DROSHA: variants seen among roughly 807,000 people sequenced by gnomAD.
The protein encoded by DROSHA is drosha ribonuclease III.
A neutral mutation model predicts 181.9 loss-of-function variants in DROSHA; 56 were observed. The observed-to-expected ratio is 0.31, with a 90% CI of 0.25 to 0.38. DROSHA has a LOEUF of 0.38. Ranked by LOEUF, DROSHA falls within the 10% of genes least tolerant of loss-of-function variation. The probability of loss-of-function intolerance (pLI) is 1.00; values close to 1 mark genes in which losing one functional copy is unlikely to be tolerated. For synonymous variants in DROSHA, 524 were observed against 591.2 expected, an observed-to-expected ratio of 0.89 and a Z score of 1.65; for missense variants, 1,218 against 1,743.5, an observed-to-expected ratio of 0.70 and a Z score of 5.37.
chr5:31,514,419 T>C lies in DROSHA; in HGVS notation c.1290+569A>G, dbSNP rs933658004. ...ACTTTGGGAGGCCAAGGCAGGAGGA[T>C]TGCTTGAGCTCAGGAGTTCGAGACC... is the stretch of plus-strand genomic sequence containing the variant. On this transcript the variant is annotated intron_variant, in intron 8 of 35. Coordinates refer to ENST00000344624, the MANE Select transcript of DROSHA (RefSeq NM_001382508.1). The surrounding 1 kb of genome is among the most constrained non-coding windows in gnomAD (Gnocchi z 4.4). 1.3e-5 allele frequency among the ~76,000 whole-genome samples: 2 copies of C among 152,000 alleles called. No homozygotes were observed. The highest frequency in any genetic ancestry group is 2.9e-5 in the Non-Finnish European group (2 of 67,996).
intron 13 of DROSHA, among the ~76,000 whole-genome samples, chr5:31,488,251 T>C (rs368303674): frequency 2.6e-5 from 4 of 151,882 alleles, no homozygotes; most frequent in South Asian, 4.2e-4. Context: ...ACCCCGTCTC[T>C]ACTAAAAATA....
At chr5:31,506,593 G>A (rs535608292) in intron 10 of DROSHA, among the ~76,000 whole-genome samples, 46 of 151,380 alleles carry the variant, frequency 3.0e-4, no homozygotes, top group East Asian at 1.6e-3. Context: ...CAGGAGAATC[G>A]CTTGAACCTG....
chr5:31,488,989 T>G (rs1354213955), intron 13 of DROSHA: 1 of 152,162 alleles, frequency 6.6e-6, no homozygotes, highest in Non-Finnish European at 1.5e-5. Context: ...TACCTCAAAT[T>G]CAATATGCAG....
Position 31,511,076 on chromosome 5 carries a change from G to C in DROSHA, c.1391C>G (p.Pro464Arg). The change falls in exon 9 of 36, where the codon CCT (proline) becomes CGT (arginine). Residue 464 changes from proline (P) to arginine (R), a missense_variant. By Grantham distance (103) the Pro-to-Arg change is moderately radical. Transcript: ENST00000344624. ...SRQEKAKAAR[P>R]PWEPPKTKLD... Reference sequence around the variant, plus strand: ...CTTCGTCTTTGGAGGTTCCCACGGAGGCCGAGCAGCTTTGGCCTTTTCTTG... The same window carrying C: ...CTTCGTCTTTGGAGGTTCCCACGGACGCCGAGCAGCTTTGGCCTTTTCTTG... 1 of 1,613,910 alleles carries C rather than the reference G, an allele frequency of 6.2e-7. No individual in the cohort carries two copies. The highest frequency in any genetic ancestry group is 8.5e-7 in the Non-Finnish European group (1 of 1,179,876).
intron 23 of DROSHA, among the ~76,000 whole-genome samples, chr5:31,445,649 C>A (rs972528735): frequency 7.1e-6 from 1 of 141,022 alleles, no homozygotes. Context: ...TGGCTTATCA[C>A]CCCAAATCAA....
At chr5:31,451,220 T>A (rs1746989516) in intron 21 of DROSHA, among the ~76,000 whole-genome samples, 2 of 151,570 alleles carry the variant, frequency 1.3e-5, no homozygotes, top group Non-Finnish European at 2.9e-5. Context: ...AAAAAAAAAA[T>A]CTACATCTTT....
intron 3 of DROSHA, among the ~76,000 whole-genome samples, 168 bp downstream of exon 3, chr5:31,530,630 C>CAAAAAA (rs34124311): frequency 1.8e-5 from 2 of 112,692 alleles, no homozygotes; most frequent in South Asian, 3.1e-4. Context: ...AACTCTAGCT[C>CAAAAAA]AAAAAAAAAA....
At chr5:31,504,453 AT>A in intron 11 of DROSHA, 101 bp downstream of exon 11, 1 of 1,306,124 alleles carries the variant, frequency 7.7e-7, no homozygotes, top group Non-Finnish European at 1.1e-6. Flanking sequence ...TATGAAGAGA[AT>A]TTTGATGGTA....
Position 31,405,718 on chromosome 5 carries a change from T to G in DROSHA, c.3953A>C (p.Gln1318Pro). 6.5e-7 allele frequency: 1 copy of G among 1,546,448 alleles called. No homozygotes were observed. Among genetic ancestry groups the G allele is most frequent in the Non-Finnish European group, 8.7e-7 (1 of 1,148,204 alleles). Residue 1318 changes from glutamine (Q) to proline (P), a missense_variant, in exon 35 of 36, where the codon CAG becomes CCG. By Grantham distance (76) the Gln-to-Pro change is moderately conservative. Transcript: ENST00000344624. ...RIGCGKGPSI[Q>P]QAEMGAAMDA... ...CATTGCTGCTCCCATTTCCGCTTGC[T>G]GAATACTATTAAATAAAATAAAGTA...
At chr5:31,439,621 T>C (rs1303758438) in intron 23 of DROSHA, among the ~76,000 whole-genome samples, 4 of 152,196 alleles carry the variant, frequency 2.6e-5, no homozygotes, top group African/African-American at 7.2e-5. Context: ...GTGTAACTTA[T>C]AACTTAAACT....
chr5:31,407,296 G>A (rs1372997860), intron 33 of DROSHA, among the ~76,000 whole-genome samples: 5 of 152,160 alleles, frequency 3.3e-5, no homozygotes, highest in Non-Finnish European at 5.9e-5. Flanking sequence ...AAGAGCTCCT[G>A]TCTATTGGTT....
intron 29 of DROSHA, chr5:31,421,917 C>T (rs1361264490): frequency 1.3e-5 from 1 of 75,192 alleles, no homozygotes; most frequent in Non-Finnish European, 2.4e-5. Flanking sequence ...AAAAATTAGC[C>T]GTGTGTGTGT....
chr5:31,414,651 C>T (rs567986793), intron 30 of DROSHA, among the ~76,000 whole-genome samples: 1 of 152,176 alleles, frequency 6.6e-6, no homozygotes, highest in Non-Finnish European at 1.5e-5. Context: ...ATGATAAACA[C>T]AACAGAAATG....
At chr5:31,451,431 T>C in intron 21 of DROSHA, 102 bp downstream of exon 21, 2 of 965,618 alleles carry the variant, frequency 2.1e-6, no homozygotes, top group Non-Finnish European at 3.1e-6. Context: ...TAACAATCCT[T>C]GTCACATCCC....
chr5:31,491,919 C>T (rs1026048334), intron 13 of DROSHA, among the ~76,000 whole-genome samples: 2 of 152,156 alleles, frequency 1.3e-5, no homozygotes, highest in African/African-American at 4.8e-5. Flanking sequence ...CTCAACCTCT[C>T]AAGTAGCTGG....
At chr5:31,485,447 C>T (rs1163374154) in intron 14 of DROSHA, among the ~76,000 whole-genome samples, 2 of 149,920 alleles carry the variant, frequency 1.3e-5, no homozygotes, top group Non-Finnish European at 2.9e-5. Context: ...AATTATACAA[C>T]TCTGCACCAA....
At chr5:31,519,980 A>AT (rs1159552250) in intron 6 of DROSHA, among the ~76,000 whole-genome samples, 13 of 151,736 alleles carry the variant, frequency 8.6e-5, no homozygotes, top group Admixed American at 6.6e-4. Flanking sequence ...TTTTTGTGTC[A>AT]TTTTTTTTCC....
In DROSHA at chr5:31,529,197, T is replaced by G. The variant is rs1328036431; in HGVS notation, c.-46-92A>C. The G allele has an allele frequency of 1.4e-5, 16 of 1,128,548 alleles. No homozygotes were observed. In the Admixed American group the frequency reaches 3.6e-4, roughly 25 times the overall value. 69.9% of individuals were successfully genotyped at this position (1,128,548 alleles called of 1,614,324 possible). ...TCTGCAATTACCATAACACTAATTT[T>G]GTAGTTTCCAATACACTTAGCCTAC... On this transcript the variant is annotated intron_variant, in intron 3 of 35. Coordinates refer to ENST00000344624, the MANE Select transcript of DROSHA (RefSeq NM_001382508.1).
At chr5:31,414,687 C>G (rs919381367) in intron 30 of DROSHA, among the ~76,000 whole-genome samples, 7 of 152,220 alleles carry the variant, frequency 4.6e-5, no homozygotes, top group South Asian at 2.1e-4. Flanking sequence ...TTATTCACAA[C>G]AGCATCATCA....
Sources: gnomAD v4.1 joint callset for allele counts (sites outside exome capture counted in the v4.1 genomes callset) on GRCh38, gnomAD v4.1.1 for gene constraint, Gnocchi (gnomAD v3.1) non-coding constraint, MANE v1.5 for transcripts, NCBI Gene and HGNC (gene_info 2026-07-23, HGNC 2026-07-21) for gene names.